Variants in TREH observed in about 807,000 individuals in gnomAD.
The protein encoded by TREH is alpha,alpha-trehalose glucohydrolase.
Under a neutral mutation model 80.5 loss-of-function variants are expected in TREH, and 69 were observed. The observed-to-expected ratio is 0.86, with a 90% CI of 0.71 to 1.05. The LOEUF (loss-of-function observed/expected upper bound fraction) is 1.05. TREH is among the 50% of genes least tolerant of loss of function. The pLI, the probability that TREH is intolerant of heterozygous loss-of-function variation, is 0.00. For synonymous variants in TREH, 309 were observed against 293.5 expected, an observed-to-expected ratio of 1.05 and a Z score of -0.54; for missense variants, 716 against 718.8, an observed-to-expected ratio of 1.00 and a Z score of 0.04.
In TREH at chr11:118,665,457, A is replaced by G. The variant is rs575134284; in HGVS notation, c.90-2018T>C. On this transcript the variant is annotated intron_variant, in intron 1 of 14. Coordinates refer to ENST00000264029, the MANE Select transcript of TREH (RefSeq NM_007180.3). ...GAACGAGACCTTCCTGGCTAACACG[A>G]TGAAACCCCGTCTCTACTAAAAAGT... Among the ~76,000 whole-genome samples the G allele has an allele frequency of 2.0e-4, 31 of 152,012 alleles. 1 individual carries two copies. The highest frequency in any genetic ancestry group is 3.4e-4 in the Non-Finnish European group (23 of 67,938).
At position 118,658,685 on chromosome 11, in the gene TREH, C is replaced by T. The variant is rs782616666; in HGVS notation, c.1594G>A (p.Val532Ile). 46 of 1,594,108 alleles carry T rather than the reference C, an allele frequency of 2.9e-5. 1 individual carries two copies. Among genetic ancestry groups the T allele is most frequent in the Non-Finnish European group, 2.1e-5 (24 of 1,170,208 alleles). The change falls in exon 14 of 15, where the codon GTT becomes ATT. Residue 532 changes from valine (V) to isoleucine (I), a missense_variant. Val to Ile is a conservative substitution (Grantham distance 29). Coordinates refer to ENST00000264029, the MANE Select transcript of TREH (RefSeq NM_007180.3). ...CCCACCCCTGGCCTGCTCACCTGAA[C>T]TTCATATTCTCCTCCCCCACCGGGC... is the stretch of plus-strand genomic sequence containing the variant. ...GQPGGGGEYEVQEGFGWTNGV... is the reference protein window; with the variant it reads ...GQPGGGGEYEIQEGFGWTNGV...
At position 118,661,311 on chromosome 11, in the gene TREH, C is replaced by T. The variant is rs1949318768; in HGVS notation, c.735-29G>A. On this transcript the variant is annotated intron_variant, in intron 7 of 14. Coordinates refer to ENST00000264029, the MANE Select transcript of TREH (RefSeq NM_007180.3). The surrounding 1 kb of genome is among the most constrained non-coding windows in gnomAD (Gnocchi z 4.2). ...GAGTGAAGCAGACAACACCTCAGCC[C>T]AGGCGTGCTGCCCATCCCCAGCCCT... is the stretch of plus-strand genomic sequence containing the variant. 3 of 1,613,836 alleles carry T rather than the reference C, an allele frequency of 1.9e-6. No homozygotes were observed. Among genetic ancestry groups the T allele is most frequent in the Non-Finnish European group, 2.5e-6 (3 of 1,179,864 alleles).
chr11:118,663,185 G>T lies in TREH; in HGVS notation c.202C>A (p.Gln68Lys). ...PLSIAPEQVLQTFTELSRDHN... is the reference protein window; with the variant it reads ...PLSIAPEQVLKTFTELSRDHN... The stretch of plus-strand genomic sequence containing the variant: ...TCCCTGGACAGCTCAGTGAAGGTCT[G>T]CAGGACTTGTTCTGGAGAGCAGGCA... The change falls in exon 3 of 15, where the codon CAG becomes AAG. Residue 68 changes from glutamine to lysine, a missense_variant. Transcript: ENST00000264029. The T allele has an allele frequency of 1.2e-6, 2 of 1,610,462 alleles. No individual in the cohort carries two copies. The highest frequency in any genetic ancestry group is 1.7e-6 in the Non-Finnish European group (2 of 1,178,274).
At chr11:118,667,773 T>C (rs541754732) in intron 1 of TREH, among the ~76,000 whole-genome samples, 7 of 152,312 alleles carry the variant, frequency 4.6e-5, no homozygotes, top group East Asian at 1.9e-4. Flanking sequence ...GCCCATGAGA[T>C]AGAAAAGGCT....
intron 1 of TREH, among the ~76,000 whole-genome samples, chr11:118,665,320 CAGA>C (rs1949366627): frequency 6.6e-6 from 1 of 151,910 alleles, no homozygotes; most frequent in African/African-American, 2.4e-5. Flanking sequence ...ATGTGGGTGT[CAGA>C]AGAAGGGACA....
chr11:118,669,610 A>G (rs902003647), intron 1 of TREH, among the ~76,000 whole-genome samples: 2 of 152,234 alleles, frequency 1.3e-5, no homozygotes, highest in Admixed American at 1.3e-4. Flanking sequence ...GACAAACTTC[A>G]TATGTTCTCA....
chr11:118,663,531 G>T (rs1364524972), intron 1 of TREH, 92 bp from the exon 2 acceptor site: 2 of 1,049,154 alleles, frequency 1.9e-6, no homozygotes, highest in Non-Finnish European at 2.8e-6. Context: ...ACTGGTCAAG[G>T]CATGTTCCCT....
chr11:118,659,676 C>T (rs1591827950), intron 11 of TREH, 71 bp downstream of exon 11: 9 of 1,520,040 alleles, frequency 5.9e-6, no homozygotes, highest in Non-Finnish European at 8.0e-6. Context: ...CCCTCCCCTG[C>T]AGGTCCTGTT....
chr11:118,672,008 A>C (rs1949433763), intron 1 of TREH, among the ~76,000 whole-genome samples: 1 of 152,236 alleles, frequency 6.6e-6, no homozygotes, highest in South Asian at 2.1e-4. Context: ...TTCCCAGACA[A>C]ACAAAAGCTG....
intron 4 of TREH, 78 bp from the exon 5 acceptor site, chr11:118,662,068 G>T: frequency 8.5e-7 from 1 of 1,171,574 alleles, no homozygotes. Flanking sequence ...GGGATCTGAG[G>T]CCCCGGGAGT....
Position 118,661,959 on chromosome 11 carries a change from C to T in TREH, c.455G>A (p.Arg152Gln), listed in dbSNP as rs377353940. 4.1e-5 allele frequency: 63 copies of T among 1,554,798 alleles called. No individual in the cohort carries two copies. Among genetic ancestry groups the T allele is most frequent in the African/African-American group, 3.1e-4 (23 of 73,330 alleles). ...MKPEVLSHPE[R>Q]FSLIYSEHPF... is the part of the protein sequence containing the mutation. ...ATGTTCTGAGTAGATGAGAGAGAAC[C>T]GCTCAGGGTGGCTGAGAACCTCTGG... The change falls in exon 5 of 15, where the codon CGG (arginine) becomes CAG (glutamine). Residue 152 changes from arginine to glutamine, a missense_variant. By Grantham distance (43) the Arg-to-Gln change is conservative. Coordinates refer to ENST00000264029, the MANE Select transcript of TREH (RefSeq NM_007180.3). This position sits in a 1 kb window ranked among gnomAD's most constrained non-coding sequence, Gnocchi z 4.2.
intron 1 of TREH, among the ~76,000 whole-genome samples, chr11:118,677,689 C>T (rs1324288231): frequency 6.6e-6 from 1 of 152,184 alleles, no homozygotes; most frequent in Non-Finnish European, 1.5e-5. Context: ...TGCACCACTG[C>T]ACTCCAACCT....
At chr11:118,672,907 TTAATG>T (rs1949443737) in intron 1 of TREH, among the ~76,000 whole-genome samples, 1 of 151,934 alleles carries the variant, frequency 6.6e-6, no homozygotes, top group Non-Finnish European at 1.5e-5. Context: ...AAAAGAAAGT[TTAATG>T]TAGGGAAAAA....
At chr11:118,671,567 G>A (rs1338596864) in intron 1 of TREH, among the ~76,000 whole-genome samples, 1 of 152,032 alleles carries the variant, frequency 6.6e-6, no homozygotes, top group Non-Finnish European at 1.5e-5. Flanking sequence ...CCTCAAAATG[G>A]CAAATCTAAG....
intron 1 of TREH, among the ~76,000 whole-genome samples, chr11:118,670,465 A>T (rs1460298269): frequency 6.6e-6 from 1 of 152,258 alleles, no homozygotes; most frequent in African/African-American, 2.4e-5. Context: ...ACAGACAAAG[A>T]GATAATATCA....
At chr11:118,668,762 A>C (rs1397706334) in intron 1 of TREH, among the ~76,000 whole-genome samples, 1 of 151,984 alleles carries the variant, frequency 6.6e-6, no homozygotes, top group Admixed American at 6.6e-5. Context: ...CAACATGGTG[A>C]AACCCCATCT....
rs1338168609 is a variant in TREH, at chr11:118,660,524, T to C, written c.1102+15A>G. On this transcript the variant is annotated intron_variant, in intron 10 of 14. Coordinates refer to ENST00000264029, the MANE Select transcript of TREH (RefSeq NM_007180.3). The stretch of plus-strand genomic sequence containing the variant: ...ACCAAGCTCCCTGCTTTCCCTTCCC[T>C]ACTGGGGTGCTCACCCAGCCTGGAA... 6.3e-7 allele frequency: 1 copy of C among 1,585,294 alleles called. No individual in the cohort carries two copies. Among genetic ancestry groups the C allele is most frequent in the Non-Finnish European group, 8.6e-7 (1 of 1,162,276 alleles).
At chr11:118,676,878 C>CT (rs781816108) in intron 1 of TREH, among the ~76,000 whole-genome samples, 4 of 151,722 alleles carry the variant, frequency 2.6e-5, no homozygotes, top group Non-Finnish European at 5.9e-5. Context: ...TTAGAGGTTA[C>CT]TTTGGAGGAA....
At chr11:118,676,735 TG>T (rs10719392) in intron 1 of TREH, among the ~76,000 whole-genome samples, 150,221 of 150,222 alleles carry the variant, frequency 1, 75,110 homozygotes, top group Non-Finnish European at 1. Flanking sequence ...ACCACTGCAC[TG>T]CCAGCCTGGG....
Sources: gnomAD v4.1 joint callset for allele counts (sites outside exome capture counted in the v4.1 genomes callset) on GRCh38, gnomAD v4.1.1 for gene constraint, Gnocchi (gnomAD v3.1) non-coding constraint, MANE v1.5 for transcripts, NCBI Gene and HGNC (gene_info 2026-07-23, HGNC 2026-07-21) for gene names.